Variants in MSI2 observed in about 807,000 individuals in gnomAD.
The protein encoded by MSI2 is musashi RNA binding protein 2.
Under a neutral mutation model 45.6 loss-of-function variants are expected in MSI2, and 17 were observed. The observed-to-expected ratio is 0.37, with a 90% CI of 0.26 to 0.56. The LOEUF is 0.56. Among genes scored for constraint, MSI2 ranks in the 20% least tolerant of loss-of-function variants. MSI2 has a pLI of 0.77. For missense variants in MSI2, 293 were observed against 444.2 expected (o/e 0.66, Z 3.06); for synonymous variants, 156 against 158.2 (o/e 0.99, Z 0.11).
chr17:57,286,250 A>G (rs1471809217), intron 5 of MSI2, among the ~76,000 whole-genome samples: 2 of 149,524 alleles, frequency 1.3e-5, no homozygotes, highest in Middle Eastern at 3.2e-3. Flanking sequence ...TTTTTTCCTC[A>G]GACTGAGCAC....
chr17:57,669,004 G>A (rs1316826070), intron 11 of MSI2, among the ~76,000 whole-genome samples: 1 of 152,214 alleles, frequency 6.6e-6, no homozygotes, highest in Admixed American at 6.5e-5. Flanking sequence ...GCTCTAGAAG[G>A]AAAGCTTGAG....
chr17:57,421,520 C>T (rs2084395724), intron 6 of MSI2, among the ~76,000 whole-genome samples: 1 of 148,668 alleles, frequency 6.7e-6, no homozygotes, highest in East Asian at 2.0e-4. Context: ...CTCTCTCCCT[C>T]TGTCCCTCCT....
At position 57,684,583 on chromosome 17, in the gene MSI2, CAAAT is replaced by C. The variant is rs1377031012; in HGVS notation, c.*5073_*5076del. The stretch of plus-strand genomic sequence containing the variant: ...AAGTATAATTTTATATTTGTATTTT[CAAAT>C]AAATAAGTTTGTGAAAGGTTTCCAT... On this transcript the variant is annotated 3_prime_UTR_variant, in exon 14 of 14. Coordinates refer to ENST00000284073, the MANE Select transcript of MSI2 (RefSeq NM_138962.4). The C allele has an allele frequency of 1.2e-5, 2 of 167,430 alleles. No homozygotes were observed. Among genetic ancestry groups the C allele is most frequent in the South Asian group, 2.0e-4 (1 of 4,938 alleles). 10.4% of individuals were successfully genotyped at this position (167,430 alleles called of 1,614,324 possible).
intron 6 of MSI2, among the ~76,000 whole-genome samples, chr17:57,450,636 A>G (rs1002369140): frequency 3.1e-5 from 4 of 128,692 alleles, no homozygotes; most frequent in African/African-American, 1.2e-4. Context: ...ACACCACTGC[A>G]CTCCAGCCTG....
In MSI2 at chr17:57,526,356, G is replaced by GGGGT. The variant is rs1342100756; in HGVS notation, c.406-3319_406-3318insGGTG. 2.9e-4 allele frequency among the ~76,000 whole-genome samples: 35 copies of GGGGT among 122,612 alleles called. No homozygotes were observed. The East Asian group carries it at 5.1e-3, about 18-fold the overall frequency. 80.4% of individuals were successfully genotyped at this position (122,612 alleles called of 152,430 possible). A position where few individuals can be genotyped will look rare whatever the true frequency, so the allele number is the denominator to read the frequency against. On this transcript the variant is annotated intron_variant, in intron 6 of 13. Transcript: ENST00000284073. ...TCTTCATAGCCCCCTGATATACCTG[G>GGGGT]GTGTGTGTGTGTGTGTGTGTGTGTG...
chr17:57,368,247 GT>G (rs2143942509), intron 5 of MSI2, among the ~76,000 whole-genome samples: 1 of 152,290 alleles, frequency 6.6e-6, no homozygotes, highest in Admixed American at 6.5e-5. Context: ...GTATTTCTGT[GT>G]TTAAAAATGT....
At chr17:57,494,637 A>T (rs1429410758) in intron 6 of MSI2, among the ~76,000 whole-genome samples, 1 of 152,192 alleles carries the variant, frequency 6.6e-6, no homozygotes, top group African/African-American at 2.4e-5. Flanking sequence ...TTGCTTTTGC[A>T]TCTGCTCTTT....
intron 10 of MSI2, chr17:57,628,583 T>G (rs1423926785): frequency 6.6e-6 from 1 of 152,394 alleles, no homozygotes; most frequent in Non-Finnish European, 1.5e-5. Context: ...CTTCTCTCTT[T>G]TGGAAAAGGG....
intron 10 of MSI2, among the ~76,000 whole-genome samples, chr17:57,644,329 CCT>C (rs781221080): frequency 1.3e-5 from 2 of 151,916 alleles, no homozygotes; most frequent in Non-Finnish European, 2.9e-5. Flanking sequence ...CTTTGCACCC[CCT>C]GTTCTGATGT....
rs544204891 is a variant in MSI2, at chr17:57,567,623, C to T, written c.455-29245C>T. Reference sequence around the variant, plus strand: ...CAGTCTCTCTCTGCAGTGGGCTGTGCGTGCCTCTTCCAACAGGGCTGTACC... The same window carrying T: ...CAGTCTCTCTCTGCAGTGGGCTGTGTGTGCCTCTTCCAACAGGGCTGTACC... On this transcript the variant is annotated intron_variant, in intron 7 of 13. Transcript: ENST00000284073. Among the ~76,000 whole-genome samples, 5 of 152,340 alleles carry T rather than the reference C, an allele frequency of 3.3e-5. No individual in the cohort carries two copies. The South Asian group carries it at 8.3e-4, about 25-fold the overall frequency.
intron 6 of MSI2, chr17:57,523,471 C>T (rs959697089): frequency 2.6e-5 from 4 of 152,258 alleles, no homozygotes; most frequent in Non-Finnish European, 5.9e-5. Context: ...GAATGCCTGG[C>T]TCACAATAAA....
At position 57,683,705 on chromosome 17, in the gene MSI2, G is replaced by T. The variant is rs1482023916; in HGVS notation, c.*4188G>T. On this transcript the variant is annotated 3_prime_UTR_variant, in exon 14 of 14. Coordinates refer to ENST00000284073, the MANE Select transcript of MSI2 (RefSeq NM_138962.4). The surrounding 1 kb of genome is among the most constrained non-coding windows in gnomAD (Gnocchi z 5.2). ...TTTTTTTTTTTCTTGAATGTGCTTC[G>T]CAAGCCAGGCTATCTTCCAAGGAAG... 14 of 223,844 alleles carry T rather than the reference G, an allele frequency of 6.3e-5. No homozygotes were observed. Among genetic ancestry groups the T allele is most frequent in the Non-Finnish European group, 7.9e-5 (9 of 113,792 alleles). The allele number at this position is 223,844 out of a possible 1,614,324, so 13.9% of individuals were successfully genotyped here.
intron 5 of MSI2, among the ~76,000 whole-genome samples, chr17:57,303,218 G>A (rs1349258283): frequency 6.6e-6 from 1 of 152,210 alleles, no homozygotes; most frequent in African/African-American, 2.4e-5. Context: ...GCTTTCCTGT[G>A]AAAATAGACC....
At chr17:57,416,860 G>T (rs888765087) in intron 6 of MSI2, among the ~76,000 whole-genome samples, 1 of 152,198 alleles carries the variant, frequency 6.6e-6, no homozygotes, top group Non-Finnish European at 1.5e-5. Context: ...CTGTTGAAAG[G>T]TCCTAAGGTG....
chr17:57,429,308 C>T (rs892399005), intron 6 of MSI2, among the ~76,000 whole-genome samples: 5 of 152,092 alleles, frequency 3.3e-5, no homozygotes, highest in African/African-American at 7.2e-5. Context: ...TGGGGTTTTG[C>T]GTGTGTCTAA....
At chr17:57,462,540 G>C (rs2085250643) in intron 6 of MSI2, among the ~76,000 whole-genome samples, 1 of 152,232 alleles carries the variant, frequency 6.6e-6, no homozygotes, top group Non-Finnish European at 1.5e-5. Context: ...GCAGTTCCCA[G>C]CAGGGGTTTA....
intron 5 of MSI2, among the ~76,000 whole-genome samples, chr17:57,356,939 CTTA>C (rs1299358685): frequency 6.6e-6 from 1 of 152,134 alleles, no homozygotes; most frequent in Non-Finnish European, 1.5e-5. Flanking sequence ...TTTGTGTTTG[CTTA>C]TTCGTGTGCA....
chr17:57,582,975 C>T lies in MSI2; in HGVS notation c.455-13893C>T, dbSNP rs998725452. On this transcript the variant is annotated intron_variant, in intron 7 of 13. Transcript: ENST00000284073. Reference sequence around the variant, plus strand: ...ATTTGTTTTCAAAGCACTTTCTCTACGGTACCAGTTTCTGTTGAAAATCAG... The same window carrying T: ...ATTTGTTTTCAAAGCACTTTCTCTATGGTACCAGTTTCTGTTGAAAATCAG... Among the ~76,000 whole-genome samples the T allele has an allele frequency of 2.0e-5, 3 of 152,202 alleles. No homozygotes were observed. The South Asian group carries it at 6.2e-4, about 31-fold the overall frequency.
chr17:57,311,344 C>T (rs1457485996), intron 5 of MSI2, among the ~76,000 whole-genome samples: 1 of 152,110 alleles, frequency 6.6e-6, no homozygotes, highest in East Asian at 1.9e-4. Context: ...AGCAGGGTTC[C>T]CTGGATTCTG....
Sources: allele counts gnomAD v4.1 joint callset (sites outside exome capture counted in the v4.1 genomes callset), GRCh38; gene constraint gnomAD v4.1.1; non-coding constraint Gnocchi (gnomAD v3.1); transcripts MANE v1.5; gene names NCBI Gene and HGNC (gene_info 2026-07-23, HGNC 2026-07-21).